Variants in LRRC37A2 observed in about 807,000 individuals in gnomAD.
LRRC37A2 encodes leucine rich repeat containing 37 member A2.
LRRC37A2 carries 9 observed loss-of-function variants against 68.8 expected under a neutral mutation model. The ratio of observed to expected loss-of-function variants is 0.13; its 90% CI spans 0.08 to 0.23. The LOEUF is 0.23. LRRC37A2 is among the 10% of genes least tolerant of loss of function. The pLI is 1.00. For missense variants in LRRC37A2, 168 were observed against 950.4 expected (o/e 0.18, Z 10.82); for synonymous variants, 63 against 367.6 (o/e 0.17, Z 9.48).
chr17:46,781,818 C>T, the LRRC37A2 span, among the ~76,000 whole-genome samples: 6 of 152,192 alleles, frequency 3.9e-5, no homozygotes, highest in South Asian at 2.1e-4. Context: ...TCCAGAGCCC[C>T]GGGTCTAGTC....
At chr17:47,038,250 A>G in the LRRC37A2 span, among the ~76,000 whole-genome samples, 1 of 152,236 alleles carries the variant, frequency 6.6e-6, no homozygotes, top group Non-Finnish European at 1.5e-5. Flanking sequence ...GCAGTGAGCC[A>G]TGATTGTGCC....
chr17:46,966,591 C>A, the LRRC37A2 span: 1 of 690,604 alleles, frequency 1.4e-6, no homozygotes, highest in East Asian at 2.8e-5. Context: ...TCAAGAGATC[C>A]TCCTGCATCA....
the LRRC37A2 span, among the ~76,000 whole-genome samples, chr17:46,953,262 T>G: frequency 2.6e-5 from 4 of 151,572 alleles, no homozygotes; most frequent in Non-Finnish European, 4.4e-5. Context: ...GTGTTCTCAT[T>G]GTTCAATTCC....
chr17:46,882,528 T>C, the LRRC37A2 span, among the ~76,000 whole-genome samples: 1 of 151,694 alleles, frequency 6.6e-6, no homozygotes, highest in Admixed American at 6.6e-5. Context: ...CTCCACCTCC[T>C]AGGTTCAAGC....
At chr17:47,029,802 C>T in the LRRC37A2 span, among the ~76,000 whole-genome samples, 1 of 152,074 alleles carries the variant, frequency 6.6e-6, no homozygotes, top group African/African-American at 2.4e-5. Flanking sequence ...GGAGCGGTGG[C>T]TCATGCCTGT....
chr17:46,984,567 G>A, the LRRC37A2 span, among the ~76,000 whole-genome samples: 1,478 of 152,326 alleles, frequency 9.7e-3, 29 homozygotes, highest in African/African-American at 0.034. Context: ...GCCCCAGGAA[G>A]AGCTGCCACC....
At chr17:46,923,193 A>T in the LRRC37A2 span, 5 of 1,545,910 alleles carry the variant, frequency 3.2e-6, no homozygotes, top group East Asian at 7.3e-5. Flanking sequence ...GGCCGGCGAC[A>T]TGGATCCCCT....
At chr17:46,952,333 A>C in the LRRC37A2 span, among the ~76,000 whole-genome samples, 1 of 152,190 alleles carries the variant, frequency 6.6e-6, no homozygotes, top group Non-Finnish European at 1.5e-5. Flanking sequence ...GTTTGGGGTG[A>C]CCACATGACT....
At chr17:46,970,924 C>T in the LRRC37A2 span, among the ~76,000 whole-genome samples, 57 of 152,202 alleles carry the variant, frequency 3.7e-4, 1 homozygote, top group Admixed American at 1.6e-3. Flanking sequence ...CTAATTCTAT[C>T]GATCCCTCAA....
At chr17:46,409,360 G>A in the LRRC37A2 span, among the ~76,000 whole-genome samples, 24 of 144,544 alleles carry the variant, frequency 1.7e-4, no homozygotes, top group East Asian at 3.4e-3. Flanking sequence ...GCAGTGGCAC[G>A]ATCATGGCTC....
At chr17:46,868,707 T>C in the LRRC37A2 span, among the ~76,000 whole-genome samples, 1 of 152,212 alleles carries the variant, frequency 6.6e-6, no homozygotes, top group Non-Finnish European at 1.5e-5. Context: ...CTTACCCCCT[T>C]GGCACTCAGC....
the LRRC37A2 span, among the ~76,000 whole-genome samples, chr17:46,883,135 C>G: frequency 6.6e-6 from 1 of 151,934 alleles, no homozygotes; most frequent in South Asian, 2.1e-4. Flanking sequence ...CCCGCCACCA[C>G]GCCCGGCTAA....
At chr17:46,774,037 T>C in the LRRC37A2 span, 3 of 1,366,444 alleles carry the variant, frequency 2.2e-6, no homozygotes, top group African/African-American at 2.9e-5. Flanking sequence ...GGCACCTGAA[T>C]GTGCTACCTT....
At chr17:46,962,922 G>T in the LRRC37A2 span, among the ~76,000 whole-genome samples, 1 of 152,198 alleles carries the variant, frequency 6.6e-6, no homozygotes, top group Admixed American at 6.5e-5. Context: ...TTTCATCAAT[G>T]ATGTGATTTA....
the LRRC37A2 span, among the ~76,000 whole-genome samples, chr17:46,972,092 A>T: frequency 3.9e-4 from 5 of 12,684 alleles, no homozygotes; most frequent in Non-Finnish European, 0.015. Context: ...TCCCCGCTTT[A>T]TGTTCTATAG....
chr17:46,794,715 C>T, the LRRC37A2 span, among the ~76,000 whole-genome samples: 2 of 151,490 alleles, frequency 1.3e-5, no homozygotes, highest in Non-Finnish European at 2.9e-5. Context: ...CTTCCACCAG[C>T]TTCCCAGGAC....
At chr17:46,959,749 C>G in the LRRC37A2 span, among the ~76,000 whole-genome samples, 7 of 152,312 alleles carry the variant, frequency 4.6e-5, no homozygotes, top group South Asian at 2.1e-4. Context: ...CCATCCCACT[C>G]TCCACTACAA....
chr17:46,741,910 C>CAT, the LRRC37A2 span, among the ~76,000 whole-genome samples: 6 of 152,208 alleles, frequency 3.9e-5, no homozygotes, highest in Non-Finnish European at 7.3e-5. Context: ...GGATTACAGG[C>CAT]ATGTGCCACC....
At chr17:46,900,087 G>A in the LRRC37A2 span, among the ~76,000 whole-genome samples, 3 of 147,558 alleles carry the variant, frequency 2.0e-5, no homozygotes, top group Admixed American at 6.8e-5. Flanking sequence ...CACAGGCATC[G>A]GTACTGTTAG....
Sources: gnomAD v4.1 joint callset for allele counts (sites outside exome capture counted in the v4.1 genomes callset) on GRCh38, gnomAD v4.1.1 for gene constraint, MANE v1.5 for transcripts, NCBI Gene and HGNC (gene_info 2026-07-23, HGNC 2026-07-21) for gene names.